EVL: variants seen among roughly 807,000 people sequenced by gnomAD.
EVL encodes ena/VASP-like protein.
EVL carries 21 observed loss-of-function variants against 59.6 expected under a neutral mutation model. The ratio of observed to expected loss-of-function variants is 0.35; its 90% CI spans 0.25 to 0.51. The LOEUF (loss-of-function observed/expected upper bound fraction) is 0.51, where lower values mean the gene tolerates loss of function less well. EVL is among the 20% of genes least tolerant of loss of function. EVL has a pLI of 0.97. For synonymous variants in EVL, 198 were observed against 203.5 expected, an observed-to-expected ratio of 0.97 and a Z score of 0.23; for missense variants, 462 against 546.6, an observed-to-expected ratio of 0.85 and a Z score of 1.54.
rs1291957037 is a variant in EVL at position 100,128,508 on chromosome 14, TTG to T, written c.488-7_488-6del. 1 of 1,611,678 alleles carries T rather than the reference TTG, an allele frequency of 6.2e-7. No individual in the cohort carries two copies. Among genetic ancestry groups the T allele is most frequent in the Non-Finnish European group, 8.5e-7 (1 of 1,179,808 alleles). On this transcript the variant is annotated splice_polypyrimidine_tract_variant and intron_variant, in intron 5 of 13. Transcript: ENST00000392920. ...TGCTGGAGCTGGCTGAGCCTCACTGTTGTGTTTCAGGGCCCATCCTCCCACCA... is the reference window on the plus strand; with the variant it reads ...TGCTGGAGCTGGCTGAGCCTCACTGTTGTTTCAGGGCCCATCCTCCCACCA...
chr14:100,013,530 G>A (rs1392243411), intron 1 of EVL, among the ~76,000 whole-genome samples: 1 of 152,246 alleles, frequency 6.6e-6, no homozygotes, highest in Non-Finnish European at 1.5e-5. Context: ...TCAGAATCAA[G>A]TGGCTTTCCA....
intron 1 of EVL, among the ~76,000 whole-genome samples, chr14:100,017,186 G>A (rs749245200): frequency 2.6e-5 from 4 of 152,154 alleles, no homozygotes; most frequent in Non-Finnish European, 5.9e-5. Context: ...TGTAAAATGA[G>A]CTTGGTGCTG....
rs34405834 is a variant in EVL at position 100,125,169 on chromosome 14, T to TACACACACACAC, written c.423-1523_423-1512dup. Among the ~76,000 whole-genome samples, 220 of 103,142 alleles carry TACACACACACAC rather than the reference T, an allele frequency of 2.1e-3. 15 individuals carry two copies. Among genetic ancestry groups the TACACACACACAC allele is most frequent in the African/African-American group, 9.7e-3 (211 of 21,682 alleles). 67.7% of individuals were successfully genotyped at this position (103,142 alleles called of 152,430 possible). On this transcript the variant is annotated intron_variant, in intron 4 of 13. Transcript: ENST00000392920. The stretch of plus-strand genomic sequence containing the variant: ...ACACACACCTGCCCCAAGGCAGGAA[T>TACACACACACAC]ACACACACACACACACACACACACA...
intron 3 of EVL, among the ~76,000 whole-genome samples, chr14:100,120,708 A>G (rs1008780412): frequency 6.6e-6 from 1 of 152,222 alleles, no homozygotes; most frequent in Non-Finnish European, 1.5e-5. Flanking sequence ...GGGGAGGCGC[A>G]GCCACAAGGT....
At chr14:100,042,109 G>A (rs1165307742) in intron 1 of EVL, among the ~76,000 whole-genome samples, 1 of 152,118 alleles carries the variant, frequency 6.6e-6, no homozygotes, top group Non-Finnish European at 1.5e-5. Context: ...AATTTCAACA[G>A]TGTTACTATG....
In EVL at chr14:100,127,222, C is replaced by T. The variant is rs377024096; in HGVS notation, c.487+451C>T. ...GAAGACTTCCCACAGGAGGCGCTGC[C>T]ACGCGTCTGTCTTGGACGTTCGGTG... is the stretch of plus-strand genomic sequence containing the variant. On this transcript the variant is annotated intron_variant, in intron 5 of 13. Coordinates refer to ENST00000392920, the MANE Select transcript of EVL (RefSeq NM_016337.3). The surrounding 1 kb of genome is among the most constrained non-coding windows in gnomAD (Gnocchi z 4.2). 3.9e-4 allele frequency among the ~76,000 whole-genome samples: 60 copies of T among 152,356 alleles called. No homozygotes were observed. The highest frequency in any genetic ancestry group is 1.4e-3 in the African/African-American group (57 of 41,586).
chr14:100,130,130 G>A lies in EVL; in HGVS notation c.839+446G>A, dbSNP rs1159438312. On this transcript the variant is annotated intron_variant, in intron 7 of 13. Transcript: ENST00000392920. The surrounding 1 kb of genome is among the most constrained non-coding windows in gnomAD (Gnocchi z 4.8). Reference sequence around the variant, plus strand: ...GTTCTTTATGGAGGACTCAGGAGAAGGAGTTATGAAGGGTAGGAGCCCAGA... The same window carrying A: ...GTTCTTTATGGAGGACTCAGGAGAAAGAGTTATGAAGGGTAGGAGCCCAGA... 6.6e-6 allele frequency among the ~76,000 whole-genome samples: 1 copy of A among 152,242 alleles called. No homozygotes were observed. Among genetic ancestry groups the A allele is most frequent in the East Asian group, 1.9e-4 (1 of 5,192 alleles).
At chr14:100,002,184 T>A (rs182311696) in intron 1 of EVL, among the ~76,000 whole-genome samples, 1 of 152,268 alleles carries the variant, frequency 6.6e-6, no homozygotes, top group Non-Finnish European at 1.5e-5. Context: ...CTGCTTGATA[T>A]CCATGAACAT....
chr14:100,074,248 A>C (rs947435480), intron 1 of EVL, among the ~76,000 whole-genome samples: 7 of 152,134 alleles, frequency 4.6e-5, no homozygotes, highest in African/African-American at 1.7e-4. Context: ...TTCTCGTTAG[A>C]AGTTAAAAGA....
At chr14:100,010,040 A>T (rs2061006437) in intron 1 of EVL, among the ~76,000 whole-genome samples, 1 of 152,190 alleles carries the variant, frequency 6.6e-6, no homozygotes, top group South Asian at 2.1e-4. Context: ...TTCTTATCAG[A>T]CTTAAAAGGG....
chr14:100,123,440 T>C, intron 3 of EVL, 99 bp from the exon 4 acceptor site: 3 of 1,192,886 alleles, frequency 2.5e-6, no homozygotes, highest in Non-Finnish European at 3.6e-6. Flanking sequence ...ATGTCTCTTC[T>C]GCAGCCAGAA....
At chr14:100,051,099 C>G (rs1017238745) in intron 1 of EVL, among the ~76,000 whole-genome samples, 2 of 152,116 alleles carry the variant, frequency 1.3e-5, no homozygotes, top group African/African-American at 4.8e-5. Context: ...CACGGTTTTG[C>G]TTTTCACTGT....
At chr14:100,027,515 G>A (rs776455187) in intron 1 of EVL, among the ~76,000 whole-genome samples, 6 of 151,792 alleles carry the variant, frequency 4.0e-5, no homozygotes, top group South Asian at 2.1e-4. Flanking sequence ...CGTCTCTCTC[G>A]TGCCTGCCTC....
At chr14:100,012,505 C>T (rs1220852723) in intron 1 of EVL, among the ~76,000 whole-genome samples, 2 of 152,216 alleles carry the variant, frequency 1.3e-5, no homozygotes, top group African/African-American at 4.8e-5. Context: ...GCTGCACTTG[C>T]TTATTCAAAA....
rs748116903 is a variant in EVL at position 100,128,766 on chromosome 14, C to A, written c.717+18C>A. 6.3e-7 allele frequency: 1 copy of A among 1,596,468 alleles called. No individual in the cohort carries two copies. The highest frequency in any genetic ancestry group is 8.5e-7 in the Non-Finnish European group (1 of 1,175,118). On this transcript the variant is annotated intron_variant, in intron 6 of 13. Transcript: ENST00000392920. ...TCCAACGGGTAAGAGCTCCTGTGTG[C>A]GGGGTGGGAATGGGACCGAGGGGAC...
At chr14:100,005,630 TACACACACAC>T (rs35844160) in intron 1 of EVL, among the ~76,000 whole-genome samples, 58 of 143,748 alleles carry the variant, frequency 4.0e-4, no homozygotes, top group African/African-American at 1.2e-3. Context: ...GCCTTTTAAA[TACACACACAC>T]ACACACACAC....
intron 4 of EVL, 141 bp downstream of exon 4, chr14:100,123,743 A>G (rs1887849330): frequency 1.3e-6 from 1 of 766,220 alleles, no homozygotes; most frequent in East Asian, 2.7e-5. Flanking sequence ...TGCAAGGTGC[A>G]AGCCAGACCA....
chr14:100,094,743 T>TA (rs1250718457), intron 2 of EVL, among the ~76,000 whole-genome samples: 4 of 103,084 alleles, frequency 3.9e-5, no homozygotes, highest in Non-Finnish European at 8.3e-5. Context: ...GACTCCATCT[T>TA]AAAAAACCAT....
intron 8 of EVL, chr14:100,135,671 G>A: frequency 2.0e-6 from 1 of 499,828 alleles, no homozygotes. Flanking sequence ...ACCCTGCTGA[G>A]AGCCTGTAGC....
Sources: allele counts gnomAD v4.1 joint callset (sites outside exome capture counted in the v4.1 genomes callset), GRCh38; gene constraint gnomAD v4.1.1; non-coding constraint Gnocchi (gnomAD v3.1); transcripts MANE v1.5; gene names NCBI Gene and HGNC (gene_info 2026-07-23, HGNC 2026-07-21).